Variants in PTPRD observed in about 807,000 individuals in gnomAD.
PTPRD encodes protein tyrosine phosphatase receptor type D.
In PTPRD, 34 loss-of-function variants were observed where a neutral mutation model predicts 214.5. The ratio of observed to expected loss-of-function variants is 0.16; its 90% CI spans 0.12 to 0.21. The LOEUF is 0.21. Ranked by LOEUF, PTPRD falls within the 10% of genes least tolerant of loss-of-function variation. The pLI is 1.00. For missense variants in PTPRD, 2,545 were observed against 2,398.7 expected (o/e 1.06, Z -1.27); for synonymous variants, 1,128 against 845.7 (o/e 1.33, Z -5.79).
chr9:10,477,696 C>G (rs567871648), intron 2 of PTPRD, among the ~76,000 whole-genome samples: 1 of 152,158 alleles, frequency 6.6e-6, no homozygotes, highest in South Asian at 2.1e-4. Flanking sequence ...GTTATTGCAT[C>G]ACTATTCACA....
intron 7 of PTPRD, among the ~76,000 whole-genome samples, chr9:9,577,250 C>T (rs2089184386): frequency 6.6e-6 from 1 of 152,114 alleles, no homozygotes; most frequent in South Asian, 2.1e-4. Flanking sequence ...GAGCTTGACT[C>T]AGGCAAATAT....
chr9:9,507,413 C>A (rs2096596320), intron 8 of PTPRD, among the ~76,000 whole-genome samples: 1 of 150,824 alleles, frequency 6.6e-6, no homozygotes, highest in African/African-American at 2.4e-5. Flanking sequence ...AAATGTAAGG[C>A]TTTGTACTAA....
At chr9:9,214,483 ATT>A (rs57017587) in intron 9 of PTPRD, among the ~76,000 whole-genome samples, 24 of 144,806 alleles carry the variant, frequency 1.7e-4, no homozygotes, top group African/African-American at 4.1e-4. Context: ...AGGGAGGAGG[ATT>A]TTTTTTTTTT....
chr9:9,653,545 C>A (rs1003603961), intron 7 of PTPRD, among the ~76,000 whole-genome samples: 1 of 152,044 alleles, frequency 6.6e-6, no homozygotes, highest in African/African-American at 2.4e-5. Flanking sequence ...CAGTCAACAG[C>A]CTCCAGCTTC....
intron 2 of PTPRD, among the ~76,000 whole-genome samples, chr9:10,346,549 G>C (rs1285371176): frequency 6.6e-6 from 1 of 152,180 alleles, no homozygotes; most frequent in Non-Finnish European, 1.5e-5. Context: ...AACTGCAAGT[G>C]ATATTAGAAT....
intron 3 of PTPRD, among the ~76,000 whole-genome samples, chr9:10,279,110 C>G (rs79552273): frequency 6.6e-6 from 1 of 152,018 alleles, no homozygotes; most frequent in South Asian, 2.1e-4. Context: ...AACTCTGCCT[C>G]AATCCTCACT....
chr9:9,512,094 A>G (rs2096723529), intron 8 of PTPRD, among the ~76,000 whole-genome samples: 1 of 151,738 alleles, frequency 6.6e-6, no homozygotes, highest in Non-Finnish European at 1.5e-5. Flanking sequence ...TTTTCCTCTC[A>G]TTGCATCTCA....
intron 3 of PTPRD, among the ~76,000 whole-genome samples, chr9:10,098,827 G>A (rs1348220665): frequency 4.6e-5 from 7 of 151,706 alleles, no homozygotes; most frequent in Non-Finnish European, 1.0e-4. Flanking sequence ...CTGCGGTACT[G>A]GAATTTGAAA....
chr9:8,566,242 G>C (rs2089130463), intron 14 of PTPRD, among the ~76,000 whole-genome samples: 2 of 151,892 alleles, frequency 1.3e-5, no homozygotes, highest in South Asian at 4.2e-4. Flanking sequence ...TAGGAGAACT[G>C]CTTGCTCTAG....
At position 10,004,071 on chromosome 9, in the gene PTPRD, G is replaced by C. The variant is rs117472461; in HGVS notation, c.-472+29647C>G. 5.6e-3 allele frequency among the ~76,000 whole-genome samples: 855 copies of C among 151,888 alleles called. 4 individuals are homozygous for C. The highest frequency in any genetic ancestry group is 9.0e-3 in the Non-Finnish European group (607 of 67,812). ...AAAAATAATTTAATGGGTATTTATGGAGGAACTAATATTCATCAAATATTA... is the reference window on the plus strand; with the variant it reads ...AAAAATAATTTAATGGGTATTTATGCAGGAACTAATATTCATCAAATATTA... On this transcript the variant is annotated intron_variant, in intron 4 of 45. Transcript: ENST00000381196.
At chr9:8,930,686 T>C (rs1036639332) in intron 11 of PTPRD, among the ~76,000 whole-genome samples, 1 of 152,210 alleles carries the variant, frequency 6.6e-6, no homozygotes, top group Non-Finnish European at 1.5e-5. Context: ...TCATTGCAGC[T>C]TGATTTGCAT....
At chr9:9,404,938 C>T (rs376402013) in intron 8 of PTPRD, among the ~76,000 whole-genome samples, 1 of 152,184 alleles carries the variant, frequency 6.6e-6, no homozygotes, top group South Asian at 2.1e-4. Context: ...GTGCTTTCTG[C>T]CCCAGTGAAC....
At chr9:9,233,646 G>A (rs10116635) in intron 9 of PTPRD, among the ~76,000 whole-genome samples, 36,549 of 152,088 alleles carry the variant, frequency 0.24, 4,838 homozygotes, top group African/African-American at 0.35. Flanking sequence ...TATACAATTA[G>A]GGTACATGCA....
At chr9:9,410,278 C>G in intron 8 of PTPRD, among the ~76,000 whole-genome samples, 1 of 152,126 alleles carries the variant, frequency 6.6e-6, no homozygotes, top group East Asian at 1.9e-4. Flanking sequence ...AAATCACAGA[C>G]AGAAATTATA....
chr9:9,652,761 T>G (rs1234165815), intron 7 of PTPRD, among the ~76,000 whole-genome samples: 1 of 151,800 alleles, frequency 6.6e-6, no homozygotes, highest in African/African-American at 2.4e-5. Flanking sequence ...ATTACAGGTA[T>G]GTACCACCAT....
chr9:9,393,143 C>T (rs12004194), intron 9 of PTPRD, among the ~76,000 whole-genome samples: 2,155 of 152,266 alleles, frequency 0.014, 40 homozygotes, highest in African/African-American at 0.049. Context: ...CTTTCCTGGC[C>T]ATGTGACAAG....
intron 10 of PTPRD, among the ~76,000 whole-genome samples, chr9:9,030,176 C>G (rs950098235): frequency 6.7e-6 from 1 of 149,728 alleles, no homozygotes; most frequent in Non-Finnish European, 1.5e-5. Context: ...CATCAATATA[C>G]TACCTGTCAG....
intron 3 of PTPRD, among the ~76,000 whole-genome samples, chr9:10,148,263 A>T (rs1478259558): frequency 6.6e-6 from 1 of 152,186 alleles, no homozygotes; most frequent in Non-Finnish European, 1.5e-5. Context: ...GTCTATTCTT[A>T]ATCTATTTTA....
At chr9:8,891,963 C>T (rs2098543465) in intron 11 of PTPRD, among the ~76,000 whole-genome samples, 1 of 152,098 alleles carries the variant, frequency 6.6e-6, no homozygotes, top group Non-Finnish European at 1.5e-5. Context: ...ATTATCTTCC[C>T]CTTCTTAACG....
Sources: allele counts gnomAD v4.1 joint callset (sites outside exome capture counted in the v4.1 genomes callset), GRCh38; gene constraint gnomAD v4.1.1; transcripts MANE v1.5; gene names NCBI Gene and HGNC (gene_info 2026-07-23, HGNC 2026-07-21).